ZNF221: variants seen among roughly 807,000 people sequenced by gnomAD.
ZNF221 encodes the protein zinc finger protein 221.
A neutral mutation model predicts 12.6 loss-of-function variants in ZNF221; 10 were observed. The observed-to-expected ratio is 0.79, with a 90% CI of 0.49 to 1.34. The LOEUF is 1.34. Ranked by LOEUF, ZNF221 falls within the 40% of genes most tolerant of loss-of-function variation. ZNF221 has a pLI of 0.00. For missense variants in ZNF221, 661 were observed against 721.4 expected, an observed-to-expected ratio of 0.92 and a Z score of 0.96; for synonymous variants, 232 against 244.0, an observed-to-expected ratio of 0.95 and a Z score of 0.46.
At position 43,966,353 on chromosome 19, in the gene ZNF221, G is replaced by C; in HGVS notation, c.851G>C (p.Cys284Ser). The change falls in exon 5 of 5, where the codon TGT becomes TCT. Residue 284 changes from cysteine (C) to serine (S), a missense_variant. By Grantham distance (112) the Cys-to-Ser change is moderately radical. Coordinates refer to ENST00000587682, the MANE Select transcript of ZNF221 (RefSeq NM_001297588.2). ...CACACAGGAGAGAAACCTTATAATT[G>C]TGAGGAATGTGGGAAAGCCTTCATT... ...KLHTGEKPYN[C>S]EECGKAFIHD... 1.9e-6 allele frequency: 3 copies of C among 1,614,164 alleles called. No individual in the cohort carries two copies. Among genetic ancestry groups the C allele is most frequent in the Non-Finnish European group, 2.5e-6 (3 of 1,180,018 alleles).
downstream of ZNF221, among the ~76,000 whole-genome samples, chr19:43,971,486 G>A (rs56012365): frequency 0.049 from 7,435 of 152,148 alleles, 259 homozygotes; most frequent in Non-Finnish European, 0.077. Context: ...AGCCAAGACC[G>A]ATTGATACGC....
chr19:43,979,842 A>C, the ZNF221 span, among the ~76,000 whole-genome samples: 8 of 152,334 alleles, frequency 5.3e-5, no homozygotes, highest in East Asian at 1.3e-3. Context: ...TGTTTTCTCA[A>C]ATTGGATTTC....
chr19:43,969,063 C>G (rs549258648), downstream of ZNF221, among the ~76,000 whole-genome samples: 1 of 152,290 alleles, frequency 6.6e-6, no homozygotes, highest in South Asian at 2.1e-4. Context: ...GGGCTGAATC[C>G]AGGGAGCCAG....
the ZNF221 span, among the ~76,000 whole-genome samples, chr19:43,974,132 AC>A: frequency 2.4e-4 from 37 of 152,368 alleles, no homozygotes; most frequent in South Asian, 6.6e-3. Flanking sequence ...AACAAACCTG[AC>A]AAAAACAAGC....
intron 1 of ZNF221, among the ~76,000 whole-genome samples, chr19:43,957,411 GATCTACCC>G (rs1196771364): frequency 6.6e-6 from 1 of 152,140 alleles, no homozygotes; most frequent in African/African-American, 2.4e-5. Context: ...GACCTCAGGT[GATCTACCC>G]ACCTTGGCCT....
the ZNF221 span, among the ~76,000 whole-genome samples, chr19:43,979,013 A>G: frequency 3.3e-5 from 5 of 149,388 alleles, no homozygotes; most frequent in Admixed American, 6.7e-5. Flanking sequence ...TAATTTTTAT[A>G]GTAAAAATAC....
At chr19:43,979,851 T>G in the ZNF221 span, among the ~76,000 whole-genome samples, 2 of 152,232 alleles carry the variant, frequency 1.3e-5, no homozygotes, top group African/African-American at 4.8e-5. Context: ...AAATTGGATT[T>G]CTCATCTTTT....
chr19:43,965,884 C>A lies in ZNF221; in HGVS notation c.382C>A (p.Gln128Lys), dbSNP rs142146138. The change falls in exon 5 of 5, where the codon CAA becomes AAA. Residue 128 changes from glutamine (Q) to lysine (K), a missense_variant. Gln to Lys is a moderately conservative substitution (Grantham distance 53). Coordinates refer to ENST00000587682, the MANE Select transcript of ZNF221 (RefSeq NM_001297588.2). ...GTGGTCCTGTCAGCAAATATGGGAA[C>A]AAATTGCAAGTGACCTAACCAGGTC... is the stretch of plus-strand genomic sequence containing the variant. The part of the protein sequence containing the change: ...EEWSCQQIWE[Q>K]IASDLTRSQN... 301 of 1,614,060 alleles carry A rather than the reference C, an allele frequency of 1.9e-4. No homozygotes were observed. In the Middle Eastern group the frequency reaches 3.3e-3, roughly 18 times the overall value.
intron 1 of ZNF221, among the ~76,000 whole-genome samples, chr19:43,957,340 C>A (rs1398295900): frequency 6.6e-6 from 1 of 152,016 alleles, no homozygotes; most frequent in Non-Finnish European, 1.5e-5. Context: ...ACCACCACAC[C>A]TGGCTAATTT....
chr19:43,970,268 A>G (rs2147349572), downstream of ZNF221, among the ~76,000 whole-genome samples: 1 of 152,356 alleles, frequency 6.6e-6, no homozygotes, highest in East Asian at 1.9e-4. Flanking sequence ...TTCAAGGGTC[A>G]GCAACCTCAA....
chr19:43,969,959 T>G (rs771255873), downstream of ZNF221, among the ~76,000 whole-genome samples: 2 of 152,172 alleles, frequency 1.3e-5, no homozygotes, highest in Non-Finnish European at 2.9e-5. Context: ...TCCTCCTGAC[T>G]CAGTGAGACC....
chr19:43,953,011 G>C (rs1452397318), intron 1 of ZNF221, among the ~76,000 whole-genome samples: 3 of 152,018 alleles, frequency 2.0e-5, no homozygotes, highest in Non-Finnish European at 4.4e-5. Flanking sequence ...CTCATGCCCA[G>C]GATGGAGTGC....
At chr19:43,961,637 T>C (rs1182291802) in intron 1 of ZNF221, among the ~76,000 whole-genome samples, 1 of 152,214 alleles carries the variant, frequency 6.6e-6, no homozygotes, top group African/African-American at 2.4e-5. Flanking sequence ...CTTGTAACTG[T>C]TTTCCCCCAT....
chr19:43,951,801 T>C (rs947495643), intron 1 of ZNF221, among the ~76,000 whole-genome samples: 2 of 149,604 alleles, frequency 1.3e-5, no homozygotes, highest in Non-Finnish European at 3.0e-5. Flanking sequence ...CTGGCTCTTC[T>C]CTCTGATCCC....
chr19:43,980,260 G>A, the ZNF221 span, among the ~76,000 whole-genome samples: 1 of 152,170 alleles, frequency 6.6e-6, no homozygotes, highest in Admixed American at 6.5e-5. Flanking sequence ...TAGGCAGGAG[G>A]ATTCTCTTGC....
the ZNF221 span, among the ~76,000 whole-genome samples, chr19:43,975,753 A>G: frequency 5.3e-5 from 8 of 152,294 alleles, no homozygotes; most frequent in South Asian, 1.7e-3. Flanking sequence ...GCAAGAAATA[A>G]TTTATGGAAA....
chr19:43,957,271 C>T (rs989946941), intron 1 of ZNF221, among the ~76,000 whole-genome samples: 1 of 152,154 alleles, frequency 6.6e-6, no homozygotes, highest in African/African-American at 2.4e-5. Flanking sequence ...ACCTCTGCCT[C>T]CTGGGTTCAA....
Position 43,965,899 on chromosome 19 carries a change from C to T in ZNF221, c.397C>T (p.Leu133=). ...AATATGGGAACAAATTGCAAGTGAC[C>T]TAACCAGGTCTCAAAACTCCATAAG... The part of the protein sequence containing the change: ...QQIWEQIASD[L]TRSQNSIRNS... The change falls in exon 5 of 5, where the codon CTA becomes TTA. Residue 133 remains leucine, a synonymous_variant. Coordinates refer to ENST00000587682, the MANE Select transcript of ZNF221 (RefSeq NM_001297588.2). 1.9e-6 allele frequency: 3 copies of T among 1,614,154 alleles called. No individual in the cohort carries two copies. The highest frequency in any genetic ancestry group is 2.5e-6 in the Non-Finnish European group (3 of 1,180,030).
intron 2 of ZNF221, among the ~76,000 whole-genome samples, chr19:43,963,435 T>A (rs1974883016): frequency 6.6e-6 from 1 of 152,242 alleles, no homozygotes; most frequent in Admixed American, 6.5e-5. Flanking sequence ...AGGCTCTGAC[T>A]GCTACTTCCC....
Sources: gnomAD v4.1 joint callset for allele counts (sites outside exome capture counted in the v4.1 genomes callset) on GRCh38, gnomAD v4.1.1 for gene constraint, MANE v1.5 for transcripts, NCBI Gene and HGNC (gene_info 2026-07-23, HGNC 2026-07-21) for gene names.